The following SDK1 variants were observed in gnomAD, a reference collection of about 807,000 sequenced individuals.
SDK1 encodes protein sidekick-1.
Under a neutral mutation model 245.5 loss-of-function variants are expected in SDK1, and 157 were observed. The observed-to-expected ratio is 0.64, with a 90% confidence interval of 0.56 to 0.73. SDK1 has a LOEUF of 0.73. Ranked by LOEUF, SDK1 falls within the 30% of genes least tolerant of loss-of-function variation. The probability of loss-of-function intolerance (pLI) is 0.00; values close to 1 mark genes in which losing one functional copy is unlikely to be tolerated. For synonymous variants in SDK1, 1,647 were observed against 1,278.5 expected (o/e 1.29, Z -6.15); for missense variants, 3,583 against 3,002.3 (o/e 1.19, Z -4.52).
At chr7:3,879,647 C>A (rs542063723) in intron 5 of SDK1, among the ~76,000 whole-genome samples, 1 of 152,304 alleles carries the variant, frequency 6.6e-6, no homozygotes, top group East Asian at 1.9e-4. Context: ...CCAGTTTAAT[C>A]TTGTTGTTCA....
rs570282643 is a variant in SDK1, at chr7:4,199,339, G to A, written c.5099-6540G>A. 9.8e-5 allele frequency among the ~76,000 whole-genome samples: 15 copies of A among 152,288 alleles called. 1 individual carries two copies. In the South Asian group the frequency reaches 2.9e-3, roughly 29 times the overall value. ...CAGTCCGCAAGCCGCAGAGCCGGTT[G>A]GCTCAAGCGTCTTTTAACTTTGTTT... On this transcript the variant is annotated intron_variant, in intron 35 of 44. Coordinates refer to ENST00000404826, the MANE Select transcript of SDK1 (RefSeq NM_152744.4).
chr7:4,191,318 G>C (rs1403190494), intron 35 of SDK1, among the ~76,000 whole-genome samples: 1 of 152,210 alleles, frequency 6.6e-6, no homozygotes, highest in Non-Finnish European at 1.5e-5. Context: ...GGCTTCACAC[G>C]CACAGCCCGG....
chr7:3,724,347 A>C (rs1393831818), intron 4 of SDK1, among the ~76,000 whole-genome samples: 1 of 151,996 alleles, frequency 6.6e-6, no homozygotes, highest in Non-Finnish European at 1.5e-5. Context: ...CTGAGGCAGG[A>C]GGATTGCTTG....
chr7:3,568,980 A>T (rs1324719072), intron 1 of SDK1, among the ~76,000 whole-genome samples: 1 of 147,940 alleles, frequency 6.8e-6, no homozygotes, highest in South Asian at 2.2e-4. Flanking sequence ...TCTCTAATTT[A>T]TTGCCGAATA....
At chr7:4,133,972 A>G (rs1785034679) in intron 28 of SDK1, among the ~76,000 whole-genome samples, 2 of 152,210 alleles carry the variant, frequency 1.3e-5, no homozygotes, top group Non-Finnish European at 2.9e-5. Context: ...GTTTCACATC[A>G]CTAAAAAAAA....
intron 5 of SDK1, among the ~76,000 whole-genome samples, chr7:3,875,033 C>T (rs1219986283): frequency 6.6e-6 from 1 of 152,088 alleles, no homozygotes; most frequent in Non-Finnish European, 1.5e-5. Context: ...GTCTGTGGGG[C>T]TTTATACACG....
At chr7:3,562,888 G>GGAAGCAAATACTTAAATAGGAAGA (rs11276131) in intron 1 of SDK1, among the ~76,000 whole-genome samples, 5 of 151,672 alleles carry the variant, frequency 3.3e-5, no homozygotes, top group African/African-American at 1.2e-4. Flanking sequence ...AAATATGAAG[G>GGAAGCAAATACTTAAATAGGAAGA]GAAGCAAATA....
intron 4 of SDK1, among the ~76,000 whole-genome samples, chr7:3,775,964 G>C (rs191671681): frequency 2.6e-5 from 4 of 152,162 alleles, no homozygotes; most frequent in African/African-American, 4.8e-5. Flanking sequence ...ACTGATTCTC[G>C]AAACGAGTGA....
At chr7:3,678,851 G>A (rs983233047) in intron 4 of SDK1, among the ~76,000 whole-genome samples, 7 of 152,128 alleles carry the variant, frequency 4.6e-5, no homozygotes, top group African/African-American at 1.7e-4. Flanking sequence ...TCAACAAATG[G>A]TGCTGGAGCA....
intron 1 of SDK1, among the ~76,000 whole-genome samples, chr7:3,362,729 AC>A (rs1780986439): frequency 6.6e-6 from 1 of 152,212 alleles, no homozygotes; most frequent in Non-Finnish European, 1.5e-5. Flanking sequence ...AAATGAATAT[AC>A]AACCAGTTTT....
chr7:4,232,168 C>A (rs948667741), intron 40 of SDK1, among the ~76,000 whole-genome samples: 1 of 150,868 alleles, frequency 6.6e-6, no homozygotes, highest in Admixed American at 6.6e-5. Context: ...CTTACTTAAT[C>A]CTCAAAGCAA....
At chr7:3,732,022 C>T (rs972589681) in intron 4 of SDK1, among the ~76,000 whole-genome samples, 1 of 152,048 alleles carries the variant, frequency 6.6e-6, no homozygotes, top group African/African-American at 2.4e-5. Context: ...GATCTCCTGA[C>T]CTCGTGATCC....
At chr7:3,459,476 T>C (rs116070299) in intron 1 of SDK1, among the ~76,000 whole-genome samples, 2 of 152,188 alleles carry the variant, frequency 1.3e-5, no homozygotes, top group African/African-American at 4.8e-5. Flanking sequence ...CTGCCTGCCT[T>C]TCTGCTTCTC....
intron 4 of SDK1, among the ~76,000 whole-genome samples, chr7:3,683,749 T>A (rs1254371373): frequency 6.6e-6 from 1 of 152,198 alleles, no homozygotes; most frequent in African/African-American, 2.4e-5. Context: ...CCTTGTTGCC[T>A]TGTTGCCTTA....
At chr7:3,805,212 G>T (rs1026216881) in intron 4 of SDK1, among the ~76,000 whole-genome samples, 23 of 152,176 alleles carry the variant, frequency 1.5e-4, no homozygotes, top group Admixed American at 1.4e-3. Context: ...TTTTGTATGT[G>T]TATCTTGTAT....
intron 1 of SDK1, among the ~76,000 whole-genome samples, chr7:3,350,759 G>T (rs1253584565): frequency 1.3e-5 from 2 of 152,092 alleles, no homozygotes; most frequent in Non-Finnish European, 2.9e-5. Context: ...GCTAGGCTTT[G>T]TACTGGCTTG....
intron 1 of SDK1, among the ~76,000 whole-genome samples, chr7:3,426,817 AT>A (rs1194277920): frequency 6.6e-6 from 1 of 152,016 alleles, no homozygotes; most frequent in East Asian, 1.9e-4. Flanking sequence ...TGACCTGTTA[AT>A]TTTCTAAAAT....
At chr7:3,587,513 T>A (rs758166945) in intron 1 of SDK1, among the ~76,000 whole-genome samples, 3 of 152,090 alleles carry the variant, frequency 2.0e-5, no homozygotes, top group Non-Finnish European at 2.9e-5. Context: ...GAGTGCCAAG[T>A]ACAGGAGAAG....
chr7:3,397,071 C>T (rs753094099), intron 1 of SDK1, among the ~76,000 whole-genome samples: 3 of 151,764 alleles, frequency 2.0e-5, no homozygotes, highest in Non-Finnish European at 4.4e-5. Flanking sequence ...ACTTAAAATT[C>T]AGTTCAGGTT....
Sources: gnomAD v4.1 joint callset for allele counts (sites outside exome capture counted in the v4.1 genomes callset) on GRCh38, gnomAD v4.1.1 for gene constraint, MANE v1.5 for transcripts, NCBI Gene and HGNC (gene_info 2026-07-23, HGNC 2026-07-21) for gene names.